The following LYN variants were observed in gnomAD, a reference collection of about 807,000 sequenced individuals.
LYN encodes LYN proto-oncogene, Src family tyrosine kinase.
Under a neutral mutation model 65.0 loss-of-function variants are expected in LYN, and 12 were observed. The observed-to-expected ratio is 0.18, with a 90% CI of 0.12 to 0.30. The LOEUF is 0.30. Ranked by LOEUF, LYN falls within the 10% of genes least tolerant of loss-of-function variation. The probability of loss-of-function intolerance (pLI) is 1.00; values close to 1 mark genes in which losing one functional copy is unlikely to be tolerated. For missense variants in LYN, 380 were observed against 623.2 expected (o/e 0.61, Z 4.16); for synonymous variants, 222 against 221.2 (o/e 1.00, Z -0.03).
At chr8:55,986,526 G>C (rs377743551) in intron 10 of LYN, among the ~76,000 whole-genome samples, 1 of 152,114 alleles carries the variant, frequency 6.6e-6, no homozygotes, top group Non-Finnish European at 1.5e-5. Flanking sequence ...ATTTAAATAT[G>C]GGTATTTGGT....
At chr8:55,978,619 C>T (rs1485077972) in intron 10 of LYN, among the ~76,000 whole-genome samples, 3 of 152,118 alleles carry the variant, frequency 2.0e-5, no homozygotes, top group African/African-American at 7.2e-5. Context: ...AGGACAGCCC[C>T]AGACAGACCC....
chr8:56,002,158 T>A (rs1190863382), intron 12 of LYN, among the ~76,000 whole-genome samples: 1 of 152,088 alleles, frequency 6.6e-6, no homozygotes, highest in Non-Finnish European at 1.5e-5. Flanking sequence ...GGCTCACACC[T>A]GTAATCCCAG....
At chr8:55,911,570 A>C (rs71519441) in intron 1 of LYN, among the ~76,000 whole-genome samples, 2,178 of 151,960 alleles carry the variant, frequency 0.014, 20 homozygotes, top group Non-Finnish European at 0.023. Context: ...TACATTCACT[A>C]CTTGGTGGAA....
intron 12 of LYN, among the ~76,000 whole-genome samples, chr8:56,003,739 AAGG>A (rs1408265754): frequency 6.6e-6 from 1 of 151,896 alleles, no homozygotes; most frequent in Non-Finnish European, 1.5e-5. Flanking sequence ...AAATAAAAGA[AAGG>A]AGGAAAAAGA....
chr8:55,939,486 G>GAGAA (rs1806534623), intron 1 of LYN, among the ~76,000 whole-genome samples: 2 of 152,034 alleles, frequency 1.3e-5, no homozygotes, highest in Admixed American at 6.6e-5. Context: ...GAGAGAGAGA[G>GAGAA]AACGCTGGAG....
chr8:55,973,852 G>A (rs540816591), intron 10 of LYN, among the ~76,000 whole-genome samples: 5 of 152,310 alleles, frequency 3.3e-5, no homozygotes, highest in East Asian at 1.9e-4. Flanking sequence ...AGGCTGAAAC[G>A]GGAGGATTGC....
chr8:55,888,639 C>A (rs1466702665), intron 1 of LYN, among the ~76,000 whole-genome samples: 2 of 152,206 alleles, frequency 1.3e-5, no homozygotes, highest in Non-Finnish European at 2.9e-5. Context: ...CAGCAATAGG[C>A]TTCAGCTTGT....
At chr8:55,883,529 C>T (rs115786610) in intron 1 of LYN, among the ~76,000 whole-genome samples, 5,119 of 152,144 alleles carry the variant, frequency 0.034, 243 homozygotes, top group South Asian at 0.14. Flanking sequence ...TCCGAGCAGC[C>T]CTAGTGACTG....
At chr8:55,970,596 G>A (rs1256766143) in intron 10 of LYN, among the ~76,000 whole-genome samples, 1 of 152,134 alleles carries the variant, frequency 6.6e-6, no homozygotes, top group African/African-American at 2.4e-5. Flanking sequence ...GGTCCCTATA[G>A]TCTTCCTTTT....
At chr8:55,995,335 C>G (rs1808346426) in intron 10 of LYN, among the ~76,000 whole-genome samples, 1 of 152,250 alleles carries the variant, frequency 6.6e-6, no homozygotes, top group East Asian at 1.9e-4. Flanking sequence ...TGTGCATCTC[C>G]CCAGTGCTCA....
At chr8:55,935,729 C>T (rs929077735) in intron 1 of LYN, among the ~76,000 whole-genome samples, 12 of 147,686 alleles carry the variant, frequency 8.1e-5, no homozygotes, top group Non-Finnish European at 1.6e-4. Flanking sequence ...TGCAGTGAGC[C>T]GAGATCGCAC....
chr8:55,977,953 C>T (rs1027576189), intron 10 of LYN, among the ~76,000 whole-genome samples: 1 of 152,068 alleles, frequency 6.6e-6, no homozygotes, highest in Non-Finnish European at 1.5e-5. Context: ...CAGAGCTCGT[C>T]TCTAAAGGGT....
At position 55,975,185 on chromosome 8, in the gene LYN, A is replaced by G. The variant is rs560177818; in HGVS notation, c.1050+5392A>G. ...CCTGAGTGGGCATTGCTTGGAGCTG[A>G]TGCTTGGAAACCTCAGCTTTCTCAG... On this transcript the variant is annotated intron_variant, in intron 10 of 12. Transcript: ENST00000519728. Among the ~76,000 whole-genome samples the G allele has an allele frequency of 5.3e-5, 8 of 152,338 alleles. No homozygotes were observed. The South Asian group carries it at 1.7e-3, about 32-fold the overall frequency.
At chr8:55,961,603 T>C (rs1807274609) in intron 8 of LYN, among the ~76,000 whole-genome samples, 1 of 152,204 alleles carries the variant, frequency 6.6e-6, no homozygotes, top group Admixed American at 6.5e-5. Context: ...TATTTCCTGA[T>C]GACTTCCCCC....
At chr8:55,967,969 A>G (rs1338713807) in intron 9 of LYN, among the ~76,000 whole-genome samples, 1 of 152,260 alleles carries the variant, frequency 6.6e-6, no homozygotes, top group Non-Finnish European at 1.5e-5. Flanking sequence ...GTATGATGTC[A>G]TAGCTGAATA....
At chr8:55,934,331 T>C (rs1385144301) in intron 1 of LYN, among the ~76,000 whole-genome samples, 1 of 152,242 alleles carries the variant, frequency 6.6e-6, no homozygotes, top group Non-Finnish European at 1.5e-5. Flanking sequence ...TTTTCAAATG[T>C]AGTCTGTCTT....
chr8:55,959,219 A>G (rs1433482650), intron 8 of LYN, among the ~76,000 whole-genome samples: 1 of 151,922 alleles, frequency 6.6e-6, no homozygotes, highest in African/African-American at 2.4e-5. Context: ...TGTGGTTTTG[A>G]TTTGTGTTTT....
At chr8:55,976,860 A>G (rs146552479) in intron 10 of LYN, among the ~76,000 whole-genome samples, 256 of 152,182 alleles carry the variant, frequency 1.7e-3, no homozygotes, top group African/African-American at 5.9e-3. Context: ...TGGAGAGAAC[A>G]GCTTAGGGGG....
At chr8:55,981,180 CA>C (rs1361371102) in intron 10 of LYN, among the ~76,000 whole-genome samples, 1 of 152,120 alleles carries the variant, frequency 6.6e-6, no homozygotes, top group East Asian at 1.9e-4. Context: ...TGAGCCACAC[CA>C]CACCTCTTAT....
Sources: allele counts gnomAD v4.1 joint callset (sites outside exome capture counted in the v4.1 genomes callset), GRCh38; gene constraint gnomAD v4.1.1; transcripts MANE v1.5; gene names NCBI Gene and HGNC (gene_info 2026-07-23, HGNC 2026-07-21).